GLI2: variants seen among roughly 807,000 people sequenced by gnomAD.
GLI2 encodes the protein GLI family zinc finger 2, also known as transcription activator GLI2.
GLI2 carries 22 observed loss-of-function variants against 78.9 expected under a neutral mutation model. That is an observed-to-expected ratio of 0.28 (90% CI 0.20 to 0.40). The LOEUF is 0.40. Ranked by LOEUF, GLI2 falls within the 10% of genes least tolerant of loss-of-function variation. The probability of loss-of-function intolerance (pLI) is 1.00; values close to 1 mark genes in which losing one functional copy is unlikely to be tolerated. For synonymous variants in GLI2, 974 were observed against 963.7 expected, an observed-to-expected ratio of 1.01 and a Z score of -0.20; for missense variants, 2,097 against 2,213.2, an observed-to-expected ratio of 0.95 and a Z score of 1.05.
At chr2:120,926,411 A>G (rs1679677399) in intron 2 of GLI2, among the ~76,000 whole-genome samples, 1 of 152,184 alleles carries the variant, frequency 6.6e-6, no homozygotes, top group Admixed American at 6.5e-5. Flanking sequence ...GCTGACCTGT[A>G]CATACCTATC....
In GLI2 at chr2:120,983,671, G is replaced by A. The variant is rs111894590; in HGVS notation, c.1632+791G>A. Among the ~76,000 whole-genome samples the A allele has an allele frequency of 1.4e-3, 215 of 152,330 alleles. 2 individuals carry two copies. The highest frequency in any genetic ancestry group is 5.1e-3 in the African/African-American group (211 of 41,578). ...CCCTATCTGGGCTGAGAGAACCAGG[G>A]AGAAAGCAGGGCAAGAGCCGGTGGC... is the stretch of plus-strand genomic sequence containing the variant. On this transcript the variant is annotated intron_variant, in intron 11 of 13. Coordinates refer to ENST00000361492, the MANE Select transcript of GLI2 (RefSeq NM_001374353.1).
At chr2:120,855,062 TGA>T (rs1476548808) in intron 2 of GLI2, among the ~76,000 whole-genome samples, 1 of 152,192 alleles carries the variant, frequency 6.6e-6, no homozygotes, top group Non-Finnish European at 1.5e-5. Flanking sequence ...TCATCTAATT[TGA>T]GAGGAGGTTT....
intron 2 of GLI2, among the ~76,000 whole-genome samples, chr2:120,833,253 G>A (rs2104772810): frequency 6.6e-6 from 1 of 151,816 alleles, no homozygotes; most frequent in East Asian, 1.9e-4. Context: ...GGATTCTCAG[G>A]GCCAGAGGCA....
At chr2:120,919,675 T>A (rs1679273198) in intron 2 of GLI2, among the ~76,000 whole-genome samples, 2 of 152,216 alleles carry the variant, frequency 1.3e-5, no homozygotes, top group African/African-American at 4.8e-5. Context: ...TGGGAGCCAA[T>A]CCCTGGAACC....
At chr2:120,930,133 G>C (rs1679880318) in intron 3 of GLI2, among the ~76,000 whole-genome samples, 2 of 152,176 alleles carry the variant, frequency 1.3e-5, no homozygotes, top group Admixed American at 6.5e-5. Context: ...GTCCATGCTG[G>C]AGTGCTTCTG....
chr2:120,850,160 G>C (rs1396575121), intron 2 of GLI2, among the ~76,000 whole-genome samples: 2 of 152,068 alleles, frequency 1.3e-5, no homozygotes, highest in Non-Finnish European at 2.9e-5. Flanking sequence ...GCCTGGATCA[G>C]GACAAAAATC....
chr2:120,808,965 T>G (rs907282597), intron 2 of GLI2, among the ~76,000 whole-genome samples: 4 of 152,180 alleles, frequency 2.6e-5, no homozygotes, highest in Non-Finnish European at 4.4e-5. Context: ...CCCTGGGTTT[T>G]CTAGCTCCAG....
In GLI2 at chr2:120,982,729, C is replaced by G. The variant is rs372925840; in HGVS notation, c.1481C>G (p.Ser494Trp). The change falls in exon 11 of 14, where the codon TCG becomes TGG. Residue 494 changes from serine to tryptophan, a missense_variant. Transcript: ENST00000361492. ...KPHKCTFEGC[S>W]KAYSRLENLK... ...GCCTCCTTCTAGTTCGAGGGCTGCT[C>G]GAAGGCCTACTCCCGCCTGGAGAAC... The G allele has an allele frequency of 3.1e-6, 5 of 1,612,978 alleles. No homozygotes were observed. In the Admixed American group the frequency reaches 5.0e-5, roughly 16 times the overall value.
chr2:120,790,559 C>T (rs994491639), intron 1 of GLI2, among the ~76,000 whole-genome samples: 2 of 152,164 alleles, frequency 1.3e-5, no homozygotes, highest in African/African-American at 4.8e-5. Context: ...TGCGGTTCCC[C>T]TCCCAGTGTG....
chr2:120,868,277 G>A (rs1186441677), intron 2 of GLI2, among the ~76,000 whole-genome samples: 3 of 151,240 alleles, frequency 2.0e-5, no homozygotes, highest in Non-Finnish European at 4.4e-5. Flanking sequence ...GGACCATGCT[G>A]TTTTCGCGTG....
intron 2 of GLI2, among the ~76,000 whole-genome samples, chr2:120,897,636 G>A (rs959355497): frequency 6.6e-6 from 1 of 152,014 alleles, no homozygotes; most frequent in South Asian, 2.1e-4. Context: ...AGGACACTTT[G>A]TGTAATTTTC....
intron 2 of GLI2, among the ~76,000 whole-genome samples, chr2:120,815,879 C>T (rs541873675): frequency 2.0e-5 from 3 of 152,162 alleles, no homozygotes; most frequent in South Asian, 2.1e-4. Flanking sequence ...TTAGGTGTGA[C>T]GTGGGGGAGA....
intron 10 of GLI2, among the ~76,000 whole-genome samples, chr2:120,979,405 G>A (rs999122229): frequency 2.0e-5 from 3 of 152,036 alleles, no homozygotes; most frequent in Admixed American, 6.6e-5. Context: ...AAATGCACAC[G>A]TGGTTTCAGC....
At chr2:120,950,710 G>T (rs562014558) in intron 3 of GLI2, among the ~76,000 whole-genome samples, 8 of 152,206 alleles carry the variant, frequency 5.3e-5, no homozygotes, top group African/African-American at 7.2e-5. Context: ...CGGCCGAGCT[G>T]GTCACACCAG....
chr2:120,958,285 G>T (rs1681373729), intron 5 of GLI2, among the ~76,000 whole-genome samples: 1 of 152,184 alleles, frequency 6.6e-6, no homozygotes, highest in Admixed American at 6.5e-5. Flanking sequence ...GCTGGTGCAG[G>T]TCTCTTTCCA....
intron 1 of GLI2, among the ~76,000 whole-genome samples, chr2:120,779,993 A>G (rs58908690): frequency 0.041 from 6,157 of 151,790 alleles, 385 homozygotes; most frequent in African/African-American, 0.14. Flanking sequence ...CAACACCCGC[A>G]TTCTTTTTCA....
At chr2:120,916,749 C>T (rs1679119495) in intron 2 of GLI2, among the ~76,000 whole-genome samples, 1 of 152,202 alleles carries the variant, frequency 6.6e-6, no homozygotes, top group Non-Finnish European at 1.5e-5. Context: ...AGAACTCTGC[C>T]CTGGGTGGTG....
chr2:120,969,462 A>G (rs531569947), intron 6 of GLI2, among the ~76,000 whole-genome samples: 2 of 152,334 alleles, frequency 1.3e-5, no homozygotes, highest in East Asian at 3.9e-4. Flanking sequence ...GGCCAGGAGG[A>G]GTTAGGAATG....
chr2:120,974,582 C>T (rs777108576), intron 8 of GLI2, among the ~76,000 whole-genome samples: 20 of 152,144 alleles, frequency 1.3e-4, no homozygotes, highest in Non-Finnish European at 2.5e-4. Flanking sequence ...ATGGGGAGGG[C>T]CTCGGATCCT....
Sources: gnomAD v4.1 joint callset for allele counts (sites outside exome capture counted in the v4.1 genomes callset) on GRCh38, gnomAD v4.1.1 for gene constraint, MANE v1.5 for transcripts, NCBI Gene and HGNC (gene_info 2026-07-23, HGNC 2026-07-21) for gene names.